CATSPER2: variants seen among roughly 807,000 people sequenced by gnomAD.
CATSPER2 encodes cation channel sperm-associated protein 2.
A neutral mutation model predicts 68.8 loss-of-function variants in CATSPER2; 56 were observed. The ratio of observed to expected loss-of-function variants is 0.81; its 90% CI spans 0.66 to 1.02. CATSPER2 has a LOEUF of 1.02. Among genes scored for constraint, CATSPER2 ranks in the 50% least tolerant of loss-of-function variants. The pLI, the probability that CATSPER2 is intolerant of heterozygous loss-of-function variation, is 0.00. For missense variants in CATSPER2, 582 were observed against 642.0 expected, an observed-to-expected ratio of 0.91 and a Z score of 1.01; for synonymous variants, 198 against 229.9, an observed-to-expected ratio of 0.86 and a Z score of 1.26.
Position 43,648,780 on chromosome 15 carries a change from G to A in CATSPER2, c.-154C>T, listed in dbSNP as rs898614458. The A allele has an allele frequency of 1.6e-4, 242 of 1,528,514 alleles. 4 individuals are homozygous for A. The highest frequency in any genetic ancestry group is 2.0e-4 in the Non-Finnish European group (227 of 1,141,610). The allele number at this position is 1,528,514 out of a possible 1,614,324, so 94.7% of individuals were successfully genotyped here. A position where few individuals can be genotyped will look rare whatever the true frequency, so the allele number is the denominator to read the frequency against. On this transcript the variant is annotated 5_prime_UTR_variant, in exon 1 of 13. Coordinates refer to ENST00000396879, the MANE Select transcript of CATSPER2 (RefSeq NM_172095.4). ...CATTCCCCGCCCCGCTCGACCCCCAGGTTTCGGCTCACCCCGGGACCCGGC... is the reference window on the plus strand; with the variant it reads ...CATTCCCCGCCCCGCTCGACCCCCAAGTTTCGGCTCACCCCGGGACCCGGC...
At position 43,632,792 on chromosome 15, in the gene CATSPER2, G is replaced by A; in HGVS notation, c.1321C>T (p.Gln441Ter). 9 of 1,613,696 alleles carry A rather than the reference G, an allele frequency of 5.6e-6. No homozygotes were observed. Among genetic ancestry groups the A allele is most frequent in the Non-Finnish European group, 7.6e-6 (9 of 1,179,818 alleles). The change falls in exon 11 of 13, where the codon CAG (glutamine) becomes TAG (stop). Residue 441 changes from glutamine (Q) to a stop codon, truncating the protein, a stop_gained. Transcript: ENST00000396879. LOFTEE classifies it high-confidence loss of function. ...EETLSKKREY[Q>*]SSSCVSSTSS... ...GTGGAGGAGACACAGGAGGAAGACTGGTACTCTCTCTTTTTTGACAAGGTC... is the reference window on the plus strand; with the variant it reads ...GTGGAGGAGACACAGGAGGAAGACTAGTACTCTCTCTTTTTTGACAAGGTC...
chr15:43,630,816 G>C, intron 12 of CATSPER2, 84 bp from the exon 13 acceptor site: 1 of 1,610,380 alleles, frequency 6.2e-7, no homozygotes, highest in Non-Finnish European at 8.5e-7. Context: ...GCTTTTCTGG[G>C]TTCTAGGTTC....
chr15:43,641,737 A>T (rs2086077739), intron 4 of CATSPER2, among the ~76,000 whole-genome samples: 1 of 151,982 alleles, frequency 6.6e-6, no homozygotes, highest in Non-Finnish European at 1.5e-5. Context: ...AGAGAATCTC[A>T]CTCTGTCACC....
At chr15:43,630,858 G>A (rs1429116646) in intron 12 of CATSPER2, 126 bp from the exon 13 acceptor site, 1 of 1,581,930 alleles carries the variant, frequency 6.3e-7, no homozygotes. Context: ...TTTAAATTAA[G>A]CCATATGATT....
At chr15:43,646,718 CT>C (rs56230106) in intron 4 of CATSPER2, among the ~76,000 whole-genome samples, 161 of 138,576 alleles carry the variant, frequency 1.2e-3, no homozygotes, top group Middle Eastern at 3.7e-3. Flanking sequence ...TTTTCTTTTT[CT>C]TTTTTTTTTT....
chr15:43,640,753 C>T (rs1191012221), intron 4 of CATSPER2, among the ~76,000 whole-genome samples: 2 of 151,692 alleles, frequency 1.3e-5, no homozygotes, highest in Admixed American at 6.6e-5. Flanking sequence ...AAGTCACTTG[C>T]GATCCACTCT....
chr15:43,640,834 T>C lies in CATSPER2; in HGVS notation c.389-338A>G, dbSNP rs373002988. On this transcript the variant is annotated intron_variant, in intron 4 of 12. Coordinates refer to ENST00000396879, the MANE Select transcript of CATSPER2 (RefSeq NM_172095.4). Reference sequence around the variant, plus strand: ...ACCTCCAAACCCCACCCCCATCTACTGTACTGTTATCTCAGTCCCAAAGTT... The same window carrying C: ...ACCTCCAAACCCCACCCCCATCTACCGTACTGTTATCTCAGTCCCAAAGTT... Among the ~76,000 whole-genome samples the C allele has an allele frequency of 2.2e-3, 333 of 151,936 alleles. 8 individuals are homozygous for C. Among genetic ancestry groups the C allele is most frequent in the African/African-American group, 7.6e-3 (314 of 41,458 alleles).
At chr15:43,632,171 G>T in intron 12 of CATSPER2, 28 bp downstream of exon 12, 2 of 1,607,626 alleles carry the variant, frequency 1.2e-6, no homozygotes, top group Non-Finnish European at 1.7e-6. Context: ...ATATTCCCAT[G>T]GTCCCCATGA....
chr15:43,632,522 G>A, intron 11 of CATSPER2, 159 bp from the exon 12 acceptor site: 1 of 1,409,604 alleles, frequency 7.1e-7, no homozygotes, highest in Non-Finnish European at 9.9e-7. Flanking sequence ...TTTACAACGA[G>A]CAAAGAGGGC....
intron 6 of CATSPER2, 171 bp downstream of exon 6, chr15:43,639,472 G>A: frequency 1.8e-6 from 1 of 541,406 alleles, no homozygotes. Context: ...TCACCATGTT[G>A]GTCAGGCTGG....
chr15:43,632,506 C>A (rs770494176), intron 11 of CATSPER2, 143 bp from the exon 12 acceptor site: 15 of 1,404,088 alleles, frequency 1.1e-5, no homozygotes, highest in Non-Finnish European at 1.4e-5. Context: ...CAGTAAGAAA[C>A]CACTTTTTAC....
Position 43,630,203 on chromosome 15 carries a change from C to T in CATSPER2, c.*498G>A. On this transcript the variant is annotated 3_prime_UTR_variant, in exon 13 of 13. Coordinates refer to ENST00000396879, the MANE Select transcript of CATSPER2 (RefSeq NM_172095.4). ...GTGATATGATCCTAGCTTGCTGTAG[C>T]CTCGAACTCCCTGCCTCAAACAATC... 5.2e-6 allele frequency: 1 copy of T among 191,394 alleles called. No individual in the cohort carries two copies. Among genetic ancestry groups the T allele is most frequent in the South Asian group, 1.1e-4 (1 of 9,254 alleles). The allele number at this position is 191,394 out of a possible 1,614,324, so 11.9% of individuals were successfully genotyped here. A position where few individuals can be genotyped will look rare whatever the true frequency, so the allele number is the denominator to read the frequency against.
Position 43,638,944 on chromosome 15 carries a change from G to A in CATSPER2, c.802C>T (p.Arg268Cys), listed in dbSNP as rs150929073. Reference sequence around the variant, plus strand: ...TACTCCAGGTCCTGACGAGGTGAACGGGTGTACTCTGAGAAGACGTAGACA... The same window carrying A: ...TACTCCAGGTCCTGACGAGGTGAACAGGTGTACTCTGAGAAGACGTAGACA... ...TGVYVFSEYT[R>C]SPRQDLEYHV... The change falls in exon 7 of 13, where the codon CGT (arginine) becomes TGT (cysteine). Residue 268 changes from arginine (R) to cysteine (C), a missense_variant. By Grantham distance (180) the Arg-to-Cys change is radical. This residue lies in a region of CATSPER2 where 91 missense variants were observed against 72.8 expected (regional missense o/e 1.25). Coordinates refer to ENST00000396879, the MANE Select transcript of CATSPER2 (RefSeq NM_172095.4). 6.2e-6 allele frequency: 10 copies of A among 1,613,098 alleles called. No homozygotes were observed. The highest frequency in any genetic ancestry group is 2.2e-5 in the East Asian group (1 of 44,832).
At chr15:43,641,831 C>A (rs2086080041) in intron 4 of CATSPER2, among the ~76,000 whole-genome samples, 1 of 151,902 alleles carries the variant, frequency 6.6e-6, no homozygotes, top group Non-Finnish European at 1.5e-5. Flanking sequence ...TAACTGGGAC[C>A]ACAGGCACAT....
chr15:43,648,596 C>A, intron 1 of CATSPER2, 33 bp downstream of exon 1: 1 of 1,378,816 alleles, frequency 7.3e-7, no homozygotes, highest in Admixed American at 3.3e-5. Context: ...GGGCTAGCTC[C>A]TTCTCTCCTC....
rs774740591 is a variant in CATSPER2 at position 43,647,944 on chromosome 15, G to A, written c.118C>T (p.Pro40Ser). Reference sequence around the variant, plus strand: ...AGTAACTCCCTGATAGTGTGCCGCGGCACAGCTTGGCTCAAGCCTTGCAAA... The same window carrying A: ...AGTAACTCCCTGATAGTGTGCCGCGACACAGCTTGGCTCAAGCCTTGCAAA... ...EHLQGLSQAV[P>S]RHTIRELLDP... The change falls in exon 2 of 13, where the codon CCG (proline) becomes TCG (serine). Residue 40 changes from proline (P) to serine (S), a missense_variant. By Grantham distance (74) the Pro-to-Ser change is moderately conservative. Transcript: ENST00000396879. 7.4e-6 allele frequency: 12 copies of A among 1,613,568 alleles called. No individual in the cohort carries two copies. Among genetic ancestry groups the A allele is most frequent in the Non-Finnish European group, 1.0e-5 (12 of 1,179,776 alleles).
chr15:43,641,813 C>A (rs1266066222), intron 4 of CATSPER2, among the ~76,000 whole-genome samples: 1 of 151,916 alleles, frequency 6.6e-6, no homozygotes, highest in Non-Finnish European at 1.5e-5. Context: ...GGCTCAAGAG[C>A]CTCTGGGTAA....
At chr15:43,646,242 T>C (rs1056638617) in intron 4 of CATSPER2, among the ~76,000 whole-genome samples, 3 of 151,480 alleles carry the variant, frequency 2.0e-5, no homozygotes, top group African/African-American at 7.3e-5. Flanking sequence ...TTTATGTGTC[T>C]AGATGCTCTG....
intron 1 of CATSPER2, among the ~76,000 whole-genome samples, 169 bp downstream of exon 1, chr15:43,648,460 G>C (rs2086214300): frequency 6.6e-6 from 1 of 152,056 alleles, no homozygotes; most frequent in Admixed American, 6.5e-5. Flanking sequence ...ATGAGGTGGA[G>C]TTGGGGGAGG....
Sources: gnomAD v4.1 joint callset for allele counts (sites outside exome capture counted in the v4.1 genomes callset) on GRCh38, gnomAD v4.1.1 for gene constraint, gnomAD v4.1.1 regional missense constraint, MANE v1.5 for transcripts, NCBI Gene and HGNC (gene_info 2026-07-23, HGNC 2026-07-21) for gene names.